Variants in CACNA2D3 observed in about 807,000 individuals in gnomAD.
CACNA2D3 encodes the protein calcium voltage-gated channel auxiliary subunit alpha2delta 3, also known as voltage-dependent calcium channel subunit alpha-2/delta-3.
A neutral mutation model predicts 160.6 loss-of-function variants in CACNA2D3; 60 were observed. That is an observed-to-expected ratio of 0.37 (90% confidence interval 0.30 to 0.46). The LOEUF (loss-of-function observed/expected upper bound fraction) is 0.46. Ranked by LOEUF, CACNA2D3 falls within the 20% of genes least tolerant of loss-of-function variation. The probability of loss-of-function intolerance (pLI) is 1.00; values close to 1 mark genes in which losing one functional copy is unlikely to be tolerated. For missense variants in CACNA2D3, 1,205 were observed against 1,365.0 expected (o/e 0.88, Z 1.85); for synonymous variants, 558 against 492.9 (o/e 1.13, Z -1.75).
intron 27 of CACNA2D3, among the ~76,000 whole-genome samples, chr3:54,907,601 A>G (rs1238044256): frequency 6.6e-6 from 1 of 152,164 alleles, no homozygotes; most frequent in African/African-American, 2.4e-5. Context: ...CTCACTAGTC[A>G]GTGCTGTTTC....
chr3:54,202,982 C>T (rs1205837608), intron 2 of CACNA2D3, among the ~76,000 whole-genome samples: 1 of 152,160 alleles, frequency 6.6e-6, no homozygotes, highest in Admixed American at 6.5e-5. Flanking sequence ...CTGGAGAAAA[C>T]GACTGTGTCT....
At chr3:54,725,001 A>G (rs1701249477) in intron 11 of CACNA2D3, among the ~76,000 whole-genome samples, 1 of 152,210 alleles carries the variant, frequency 6.6e-6, no homozygotes, top group African/African-American at 2.4e-5. Flanking sequence ...AAAGATCAAG[A>G]AAATAGATAG....
chr3:54,541,702 G>C (rs1701981881), intron 5 of CACNA2D3, among the ~76,000 whole-genome samples: 1 of 152,212 alleles, frequency 6.6e-6, no homozygotes, highest in Admixed American at 6.5e-5. Context: ...GAAGTGGAAA[G>C]CATCAAGAAA....
intron 2 of CACNA2D3, among the ~76,000 whole-genome samples, chr3:54,280,832 A>C (rs1264149277): frequency 1.3e-5 from 2 of 152,064 alleles, no homozygotes; most frequent in Non-Finnish European, 2.9e-5. Context: ...CAGCTTAGGC[A>C]TCCCTTCCTC....
rs756840083 is a variant in CACNA2D3, at chr3:54,642,216, C to T, written c.1142C>T (p.Ala381Val). The change falls in exon 11 of 38, where the codon GCA (alanine) becomes GTA (valine). Residue 381 changes from alanine to valine, a missense_variant. Physicochemically the swap from Ala to Val is moderately conservative, Grantham distance 64. Coordinates refer to ENST00000474759, the MANE Select transcript of CACNA2D3 (RefSeq NM_018398.3). Reference protein sequence around the residue: ...GAVDTYDTIFAKYNWPDRKVR... With the variant: ...GAVDTYDTIFVKYNWPDRKVR... ...GTGGACACCTATGATACAATCTTTG[C>T]AAAATACAATTGGCCAGATCGAAAG... is the stretch of plus-strand genomic sequence containing the variant. The T allele has an allele frequency of 3.7e-6, 6 of 1,611,748 alleles. No individual in the cohort carries two copies. Among genetic ancestry groups the T allele is most frequent in the Admixed American group, 3.3e-5 (2 of 59,800 alleles).
rs554851240 is a variant in CACNA2D3, at chr3:54,149,883, G to GTCTCTCTC, written c.204+26330_204+26337dup. On this transcript the variant is annotated intron_variant, in intron 2 of 37. Transcript: ENST00000474759. ...CAGAGAGGGCTGTCCTGAAGTATCT[G>GTCTCTCTC]TCTCTCTCTCTCTCTCTCTCTCTCT... Among the ~76,000 whole-genome samples the GTCTCTCTC allele has an allele frequency of 2.4e-3, 147 of 60,728 alleles. 9 individuals are homozygous for GTCTCTCTC. Among genetic ancestry groups the GTCTCTCTC allele is most frequent in the Non-Finnish European group, 3.5e-3 (115 of 32,794 alleles). The allele number at this position is 60,728 out of a possible 152,430, so 39.8% of individuals were successfully genotyped here. A position where few individuals can be genotyped will look rare whatever the true frequency, so the allele number is the denominator to read the frequency against.
chr3:54,438,649 A>G (rs1350057727), intron 4 of CACNA2D3, among the ~76,000 whole-genome samples: 3 of 152,204 alleles, frequency 2.0e-5, no homozygotes, highest in South Asian at 2.1e-4. Context: ...AAATTATGAC[A>G]AAGGGAGTAT....
At chr3:54,918,245 T>C in intron 27 of CACNA2D3, 1 of 531,496 alleles carries the variant, frequency 1.9e-6, no homozygotes, top group African/African-American at 1.9e-5. Context: ...AGCACAAGTA[T>C]CATCTTTATT....
chr3:54,219,722 G>A (rs373270949), intron 2 of CACNA2D3, among the ~76,000 whole-genome samples: 9 of 152,120 alleles, frequency 5.9e-5, no homozygotes, highest in African/African-American at 2.2e-4. Context: ...GGACCTTCCG[G>A]ATCCCTCTCT....
chr3:54,843,489 C>T (rs552800255), intron 16 of CACNA2D3, among the ~76,000 whole-genome samples: 7 of 152,172 alleles, frequency 4.6e-5, no homozygotes, highest in Admixed American at 2.0e-4. Flanking sequence ...TTGTTACTGC[C>T]GTGTGCCTTG....
chr3:54,284,424 G>A (rs1355892148), intron 2 of CACNA2D3, among the ~76,000 whole-genome samples: 1 of 151,626 alleles, frequency 6.6e-6, no homozygotes, highest in Non-Finnish European at 1.5e-5. Flanking sequence ...TTGTTATATT[G>A]ACAAATATAC....
chr3:54,943,679 A>G (rs1459759144), intron 27 of CACNA2D3, among the ~76,000 whole-genome samples: 1 of 148,796 alleles, frequency 6.7e-6, no homozygotes, highest in East Asian at 1.9e-4. Flanking sequence ...TGTCTCAAAT[A>G]TGTATTACTA....
chr3:54,848,690 G>C (rs1203375796), intron 17 of CACNA2D3, among the ~76,000 whole-genome samples: 1 of 152,220 alleles, frequency 6.6e-6, no homozygotes, highest in East Asian at 1.9e-4. Context: ...CTGAGCAAAA[G>C]ACGCAGCATA....
intron 4 of CACNA2D3, among the ~76,000 whole-genome samples, chr3:54,470,867 T>C (rs1201109119): frequency 6.6e-6 from 1 of 152,188 alleles, no homozygotes; most frequent in Non-Finnish European, 1.5e-5. Context: ...GAGCTAAGTA[T>C]CCTAAATATA....
chr3:54,309,320 C>T (rs993924141), intron 2 of CACNA2D3, among the ~76,000 whole-genome samples: 12 of 152,332 alleles, frequency 7.9e-5, no homozygotes, highest in African/African-American at 2.6e-4. Flanking sequence ...TTATCTAAAA[C>T]AGGAATGTAA....
intron 5 of CACNA2D3, among the ~76,000 whole-genome samples, chr3:54,547,157 G>C (rs150105512): frequency 6.6e-6 from 1 of 152,134 alleles, no homozygotes; most frequent in Non-Finnish European, 1.5e-5. Context: ...GAGGTCCAGC[G>C]CAAAGATGGC....
intron 3 of CACNA2D3, among the ~76,000 whole-genome samples, chr3:54,369,264 C>G (rs1698881014): frequency 6.6e-6 from 1 of 150,588 alleles, no homozygotes; most frequent in Non-Finnish European, 1.5e-5. Flanking sequence ...TTTAATGACA[C>G]AAACCTTAAA....
chr3:54,381,031 T>G (rs938733083), intron 3 of CACNA2D3, among the ~76,000 whole-genome samples: 3 of 152,178 alleles, frequency 2.0e-5, no homozygotes, highest in Non-Finnish European at 4.4e-5. Context: ...GAATTATGTA[T>G]TCATTCCAGA....
In CACNA2D3 at chr3:54,867,887, G is replaced by T. The variant is rs924828430; in HGVS notation, c.1627-3652G>T. Among the ~76,000 whole-genome samples, 5 of 152,308 alleles carry T rather than the reference G, an allele frequency of 3.3e-5. No homozygotes were observed. In the South Asian group the frequency reaches 1.0e-3, roughly 32 times the overall value. ...AACCAGTGACATCCTGGAGCGATGT[G>T]GGCCTCCCCCACTGATCAGGCCACA... On this transcript the variant is annotated intron_variant, in intron 17 of 37. Coordinates refer to ENST00000474759, the MANE Select transcript of CACNA2D3 (RefSeq NM_018398.3).
Sources: gnomAD v4.1 joint callset for allele counts (sites outside exome capture counted in the v4.1 genomes callset) on GRCh38, gnomAD v4.1.1 for gene constraint, MANE v1.5 for transcripts, NCBI Gene and HGNC (gene_info 2026-07-23, HGNC 2026-07-21) for gene names.